Variants in ARHGAP42 observed in about 807,000 individuals in gnomAD.
ARHGAP42 encodes the protein Rho GTPase activating protein 42.
ARHGAP42 carries 63 observed loss-of-function variants against 125.0 expected under a neutral mutation model. That is an observed-to-expected ratio of 0.50 (90% CI 0.41 to 0.62). The LOEUF (loss-of-function observed/expected upper bound fraction) is 0.62, where lower values mean the gene tolerates loss of function less well. Ranked by LOEUF, ARHGAP42 falls within the 20% of genes least tolerant of loss-of-function variation. The pLI is 0.00. For missense variants in ARHGAP42, 766 were observed against 1,024.2 expected (o/e 0.75, Z 3.44); for synonymous variants, 339 against 351.0 (o/e 0.97, Z 0.38).
intron 19 of ARHGAP42, 89 bp downstream of exon 19, chr11:100,974,692 A>T: frequency 2.3e-6 from 3 of 1,305,770 alleles, no homozygotes; most frequent in Non-Finnish European, 3.0e-6. Flanking sequence ...GAAATAGAAG[A>T]TGTTCTCACT....
At chr11:100,815,972 G>A (rs191657233) in intron 3 of ARHGAP42, among the ~76,000 whole-genome samples, 25 of 152,224 alleles carry the variant, frequency 1.6e-4, no homozygotes, top group Middle Eastern at 3.4e-3. Flanking sequence ...TGTAGCATGC[G>A]TCAGAATTTC....
At chr11:100,774,786 G>A (rs1249289938) in intron 2 of ARHGAP42, among the ~76,000 whole-genome samples, 4 of 152,224 alleles carry the variant, frequency 2.6e-5, no homozygotes, top group African/African-American at 7.2e-5. Context: ...GGTGTTTGAT[G>A]TGTAGGCCCA....
chr11:100,978,556 C>G (rs1168567084), intron 21 of ARHGAP42, among the ~76,000 whole-genome samples: 1 of 150,632 alleles, frequency 6.6e-6, no homozygotes, highest in Non-Finnish European at 1.5e-5. Context: ...TAAAAAAATA[C>G]ATCAATAGTA....
rs1858304710 is a variant in ARHGAP42, at chr11:100,973,354, G to A, written c.1710+20G>A. 28 of 1,547,350 alleles carry A rather than the reference G, an allele frequency of 1.8e-5. No individual in the cohort carries two copies. Among genetic ancestry groups the A allele is most frequent in the Non-Finnish European group, 2.0e-5 (23 of 1,145,500 alleles). On this transcript the variant is annotated intron_variant, in intron 18 of 23. Transcript: ENST00000298815. ...GAAAAGGTAGGCGGAATTTTCATGT[G>A]GAAGTGTCAAGTTTTATATCTTGGT...
chr11:100,846,293 T>C (rs948718226), intron 3 of ARHGAP42, among the ~76,000 whole-genome samples: 4 of 152,154 alleles, frequency 2.6e-5, no homozygotes, highest in African/African-American at 7.2e-5. Flanking sequence ...CATTTCTGAT[T>C]TTTCTTCCTC....
intron 8 of ARHGAP42, among the ~76,000 whole-genome samples, chr11:100,938,033 G>A (rs1313470763): frequency 6.7e-6 from 1 of 149,092 alleles, no homozygotes; most frequent in Non-Finnish European, 1.5e-5. Flanking sequence ...AAAGCCCTTT[G>A]TGGTACTGAC....
Position 100,965,725 on chromosome 11 carries a change from T to G in ARHGAP42, c.1499T>G (p.Leu500Trp). ...GCTGTACATGCATTGGTGCACAAAT[T>G]GCCGGAGAAAAACAGAGAGATGCTG... ...VEAVHALVHK[L>W]PEKNREMLDI... The change falls in exon 17 of 24, where the codon TTG (leucine) becomes TGG (tryptophan). Residue 500 changes from leucine (L) to tryptophan (W), a missense_variant. This residue lies in a region of ARHGAP42 where 455 missense variants were observed against 636.5 expected (regional missense o/e 0.71). Transcript: ENST00000298815. 1 of 1,551,138 alleles carries G rather than the reference T, an allele frequency of 6.4e-7. No homozygotes were observed. The highest frequency in any genetic ancestry group is 8.7e-7 in the Non-Finnish European group (1 of 1,146,892).
chr11:100,880,255 C>T (rs1021788850), intron 4 of ARHGAP42, among the ~76,000 whole-genome samples: 4 of 152,090 alleles, frequency 2.6e-5, no homozygotes, highest in African/African-American at 9.7e-5. Flanking sequence ...TCACCCCATT[C>T]CCACCCTTTC....
Position 100,989,011 on chromosome 11 carries a change from T to C in ARHGAP42, c.*210T>C. The C allele has an allele frequency of 2.0e-6, 1 of 494,464 alleles. No homozygotes were observed. The highest frequency in any genetic ancestry group is 2.8e-5 in the East Asian group (1 of 35,188). 30.6% of individuals were successfully genotyped at this position (494,464 alleles called of 1,614,324 possible). On this transcript the variant is annotated 3_prime_UTR_variant, in exon 24 of 24. Transcript: ENST00000298815. Reference sequence around the variant, plus strand: ...TTCTTTTTTGGTTGGTTTCTTATTTTAAAATATCTTACTTGTGAAAAATGT... The same window carrying C: ...TTCTTTTTTGGTTGGTTTCTTATTTCAAAATATCTTACTTGTGAAAAATGT...
At chr11:100,962,489 A>G (rs1041010561) in intron 16 of ARHGAP42, 22 bp downstream of exon 16, 4 of 1,522,930 alleles carry the variant, frequency 2.6e-6, no homozygotes, top group Non-Finnish European at 3.6e-6. Flanking sequence ...TGCATCATAT[A>G]CACATTATAA....
intron 3 of ARHGAP42, among the ~76,000 whole-genome samples, chr11:100,807,264 C>T (rs1038531076): frequency 1.5e-4 from 23 of 151,752 alleles, no homozygotes; most frequent in South Asian, 4.2e-4. Context: ...GGCACGATCT[C>T]GGCTCACTGC....
intron 2 of ARHGAP42, among the ~76,000 whole-genome samples, chr11:100,771,948 AAT>A (rs1862992147): frequency 6.6e-6 from 1 of 152,100 alleles, no homozygotes; most frequent in African/African-American, 2.4e-5. Context: ...TCACATTTCT[AAT>A]AGATTTGAAA....
At chr11:100,907,286 T>C (rs1401064709) in intron 4 of ARHGAP42, among the ~76,000 whole-genome samples, 1 of 152,270 alleles carries the variant, frequency 6.6e-6, no homozygotes, top group East Asian at 1.9e-4. Context: ...CTCTTTTGTG[T>C]ATTATCCCTT....
rs190950109 is a variant in ARHGAP42, at chr11:100,819,954, G to T, written c.312+24788G>T. Among the ~76,000 whole-genome samples the T allele has an allele frequency of 4.3e-3, 654 of 152,132 alleles. 5 individuals carry two copies. Among genetic ancestry groups the T allele is most frequent in the South Asian group, 8.7e-3 (42 of 4,826 alleles). ...TCATTGGCATTTCCCATTTCATTTT[G>T]CATATTAATTTTTGGAAATTTCTAT... is the stretch of plus-strand genomic sequence containing the variant. On this transcript the variant is annotated intron_variant, in intron 3 of 23. Coordinates refer to ENST00000298815, the MANE Select transcript of ARHGAP42 (RefSeq NM_152432.4).
At chr11:100,932,180 T>C (rs548796584) in intron 6 of ARHGAP42, among the ~76,000 whole-genome samples, 1 of 152,308 alleles carries the variant, frequency 6.6e-6, no homozygotes, top group East Asian at 1.9e-4. Context: ...AGTTGATGCT[T>C]AGCTGAATCC....
chr11:100,969,926 C>T (rs534792987), intron 17 of ARHGAP42, among the ~76,000 whole-genome samples: 1 of 152,160 alleles, frequency 6.6e-6, no homozygotes, highest in Non-Finnish European at 1.5e-5. Context: ...TGTTTTGTAG[C>T]AACGAATACT....
At chr11:100,887,415 A>G (rs564562500) in intron 4 of ARHGAP42, among the ~76,000 whole-genome samples, 4 of 152,278 alleles carry the variant, frequency 2.6e-5, no homozygotes, top group African/African-American at 9.6e-5. Flanking sequence ...CTCCTCTGAG[A>G]TTTGCAGATC....
chr11:100,717,409 G>A (rs895097942), intron 1 of ARHGAP42, among the ~76,000 whole-genome samples: 7 of 151,696 alleles, frequency 4.6e-5, no homozygotes, highest in African/African-American at 7.3e-5. Context: ...AGGCCGAGGC[G>A]GGCGGATCAC....
chr11:100,852,640 G>A (rs1591238673), intron 3 of ARHGAP42, among the ~76,000 whole-genome samples: 1 of 152,034 alleles, frequency 6.6e-6, no homozygotes, highest in East Asian at 1.9e-4. Flanking sequence ...TATTTTTGAG[G>A]CCCTAATTAG....
Sources: allele counts gnomAD v4.1 joint callset (sites outside exome capture counted in the v4.1 genomes callset), GRCh38; gene constraint gnomAD v4.1.1; regional missense constraint gnomAD v4.1.1; transcripts MANE v1.5; gene names NCBI Gene and HGNC (gene_info 2026-07-23, HGNC 2026-07-21).